Variants in EGFLAM observed in about 807,000 individuals in gnomAD.
EGFLAM encodes the protein pikachurin.
A neutral mutation model predicts 113.1 loss-of-function variants in EGFLAM; 79 were observed. That is an observed-to-expected ratio of 0.70 (90% CI 0.58 to 0.84). The LOEUF is 0.84. Among genes scored for constraint, EGFLAM ranks in the 40% least tolerant of loss-of-function variants. The probability of loss-of-function intolerance (pLI) is 0.00; values close to 1 mark genes in which losing one functional copy is unlikely to be tolerated. For synonymous variants in EGFLAM, 504 were observed against 487.6 expected (o/e 1.03, Z -0.44); for missense variants, 1,265 against 1,291.6 (o/e 0.98, Z 0.32).
chr5:38,314,499 T>C (rs1342698966), intron 1 of EGFLAM, among the ~76,000 whole-genome samples: 3 of 152,222 alleles, frequency 2.0e-5, no homozygotes, highest in Non-Finnish European at 4.4e-5. Context: ...TCCTTGCCTG[T>C]CTTTGGACCC....
chr5:38,307,756 A>T (rs771582268), intron 1 of EGFLAM, among the ~76,000 whole-genome samples: 26 of 152,192 alleles, frequency 1.7e-4, no homozygotes, highest in Admixed American at 3.9e-4. Flanking sequence ...TGTCAGTCCA[A>T]CTAAAGAAAT....
At chr5:38,378,174 G>C (rs2921220) in intron 6 of EGFLAM, among the ~76,000 whole-genome samples, 35,362 of 151,840 alleles carry the variant, frequency 0.23, 4,409 homozygotes, top group African/African-American at 0.33. Context: ...ATTCCATGCT[G>C]TTCCCCAGCA....
chr5:38,438,461 C>T lies in EGFLAM; in HGVS notation c.2464+6C>T, dbSNP rs2112227565. ...GGGGCTTCACTGCCAGAAAGGTACG[C>T]TCAGGGGTCTGAGGCACAGCTCCCT... On this transcript the variant is annotated splice_donor_region_variant and intron_variant, in intron 17 of 21. Coordinates refer to ENST00000322350, the MANE Select transcript of EGFLAM (RefSeq NM_152403.4). The T allele has an allele frequency of 1.9e-6, 3 of 1,595,966 alleles. No individual in the cohort carries two copies. The highest frequency in any genetic ancestry group is 4.5e-5 in the East Asian group (2 of 44,424).
chr5:38,413,652 C>T (rs989401900), intron 11 of EGFLAM, among the ~76,000 whole-genome samples: 6 of 152,170 alleles, frequency 3.9e-5, no homozygotes, highest in Non-Finnish European at 7.3e-5. Context: ...TGTCTGTATT[C>T]TCCAAGGAAA....
At chr5:38,455,374 A>G (rs969491855) in intron 19 of EGFLAM, among the ~76,000 whole-genome samples, 3 of 152,284 alleles carry the variant, frequency 2.0e-5, no homozygotes, top group Admixed American at 6.5e-5. Flanking sequence ...TTAGACATAC[A>G]TTCTTATATC....
At chr5:38,338,235 G>A (rs1173376580) in intron 2 of EGFLAM, among the ~76,000 whole-genome samples, 4 of 152,112 alleles carry the variant, frequency 2.6e-5, no homozygotes, top group African/African-American at 4.8e-5. Context: ...CTGGAACTGA[G>A]CTGCTTATTT....
chr5:38,398,639 T>C (rs1211843822), intron 6 of EGFLAM, among the ~76,000 whole-genome samples: 1 of 152,146 alleles, frequency 6.6e-6, no homozygotes, highest in African/African-American at 2.4e-5. Context: ...ATCCAAAACA[T>C]TGAAAGAAGA....
intron 6 of EGFLAM, among the ~76,000 whole-genome samples, chr5:38,385,004 G>A (rs1239850304): frequency 2.6e-5 from 4 of 152,046 alleles, no homozygotes; most frequent in Middle Eastern, 3.2e-3. Context: ...CCCCTACAAT[G>A]GAGAATTATC....
chr5:38,395,187 G>A (rs1277325158), intron 6 of EGFLAM, among the ~76,000 whole-genome samples: 1 of 149,760 alleles, frequency 6.7e-6, no homozygotes, highest in South Asian at 2.1e-4. Context: ...CAATCTGCCC[G>A]CCTTGGCCTC....
At chr5:38,388,787 G>C (rs1349086868) in intron 6 of EGFLAM, among the ~76,000 whole-genome samples, 2 of 150,572 alleles carry the variant, frequency 1.3e-5, no homozygotes, top group Non-Finnish European at 3.0e-5. Flanking sequence ...AGTTAGCTGG[G>C]CTCAGTGGTG....
chr5:38,374,816 G>T (rs555843276), intron 6 of EGFLAM, among the ~76,000 whole-genome samples: 1 of 152,368 alleles, frequency 6.6e-6, no homozygotes, highest in South Asian at 2.1e-4. Context: ...GCCCAGGAAT[G>T]AATAAAGACA....
rs1032330659 is a variant in EGFLAM, at chr5:38,405,498, A to T, written c.713-628A>T. 2.6e-5 allele frequency among the ~76,000 whole-genome samples: 4 copies of T among 152,162 alleles called. No individual in the cohort carries two copies. In the East Asian group the frequency reaches 7.7e-4, roughly 29 times the overall value. ...AGTCATGTGAGATTAAGCCATGTTG[A>T]TATATTAAATGATGATTCATTCCTT... On this transcript the variant is annotated intron_variant, in intron 6 of 21. Transcript: ENST00000322350.
At chr5:38,358,490 G>A (rs17340137) in intron 5 of EGFLAM, among the ~76,000 whole-genome samples, 4,837 of 149,636 alleles carry the variant, frequency 0.032, 150 homozygotes, top group South Asian at 0.14. Flanking sequence ...AAAATTGTGA[G>A]ACCAGGGTAT....
chr5:38,448,466 C>A, intron 18 of EGFLAM, 87 bp downstream of exon 18: 4 of 1,359,898 alleles, frequency 2.9e-6, no homozygotes, highest in South Asian at 1.2e-5. Context: ...ATATTTCATG[C>A]CAGAAGATAA....
At chr5:38,437,004 G>A (rs559383639) in intron 16 of EGFLAM, among the ~76,000 whole-genome samples, 103 of 152,318 alleles carry the variant, frequency 6.8e-4, no homozygotes, top group Middle Eastern at 3.4e-3. Context: ...GGGTTCCCCT[G>A]GGAGGTGTTC....
At chr5:38,305,511 C>T (rs535279695) in intron 1 of EGFLAM, 1 of 452,398 alleles carries the variant, frequency 2.2e-6, no homozygotes, top group South Asian at 1.6e-5. Flanking sequence ...ACAGAAGATC[C>T]AATCCAGGAG....
chr5:38,315,544 G>C (rs1030281561), intron 1 of EGFLAM, among the ~76,000 whole-genome samples: 3 of 152,142 alleles, frequency 2.0e-5, no homozygotes, highest in Non-Finnish European at 2.9e-5. Context: ...GCTCCCAACT[G>C]AACAGACCTT....
At chr5:38,302,513 A>C (rs1209759531) in intron 1 of EGFLAM, among the ~76,000 whole-genome samples, 1 of 152,162 alleles carries the variant, frequency 6.6e-6, no homozygotes, top group African/African-American at 2.4e-5. Context: ...ATAAATGTAA[A>C]TATAAATTTT....
intron 3 of EGFLAM, among the ~76,000 whole-genome samples, chr5:38,347,936 T>C (rs752639755): frequency 2.6e-5 from 4 of 151,950 alleles, no homozygotes; most frequent in Non-Finnish European, 5.9e-5. Flanking sequence ...CAGAAACACA[T>C]TCAAGTGATA....
Sources: gnomAD v4.1 joint callset for allele counts (sites outside exome capture counted in the v4.1 genomes callset) on GRCh38, gnomAD v4.1.1 for gene constraint, MANE v1.5 for transcripts, NCBI Gene and HGNC (gene_info 2026-07-23, HGNC 2026-07-21) for gene names.